TIAM1: variants seen among roughly 807,000 people sequenced by gnomAD.
TIAM1 encodes TIAM Rac1 associated GEF 1.
In TIAM1, 65 loss-of-function variants were observed where a neutral mutation model predicts 163.5. The observed-to-expected ratio is 0.40, with a 90% confidence interval of 0.33 to 0.49. TIAM1 has a LOEUF of 0.49. Among genes scored for constraint, TIAM1 ranks in the 20% least tolerant of loss-of-function variants. TIAM1 has a pLI of 0.77. For synonymous variants in TIAM1, 833 were observed against 810.1 expected (o/e 1.03, Z -0.48); for missense variants, 1,789 against 2,044.7 (o/e 0.87, Z 2.41).
intron 2 of TIAM1, among the ~76,000 whole-genome samples, chr21:31,323,787 C>T (rs1348055121): frequency 1.3e-5 from 2 of 152,048 alleles, no homozygotes; most frequent in African/African-American, 2.4e-5. Context: ...GCCGGGATCG[C>T]GCCATTGCAC....
At chr21:31,428,158 G>A (rs1405392816) in intron 2 of TIAM1, among the ~76,000 whole-genome samples, 1 of 152,058 alleles carries the variant, frequency 6.6e-6, no homozygotes, top group Non-Finnish European at 1.5e-5. Context: ...GGGAGGCTGA[G>A]GCAGCAGAAT....
chr21:31,413,651 AATTG>A (rs1434914836), intron 2 of TIAM1, among the ~76,000 whole-genome samples: 17 of 152,186 alleles, frequency 1.1e-4, no homozygotes, highest in African/African-American at 4.1e-4. Flanking sequence ...AATACGATTA[AATTG>A]ATTATCATTC....
At chr21:31,473,156 C>T (rs1370623898) in intron 1 of TIAM1, among the ~76,000 whole-genome samples, 1 of 152,142 alleles carries the variant, frequency 6.6e-6, no homozygotes, top group South Asian at 2.1e-4. Flanking sequence ...GGCAGCCAGG[C>T]ACGGTGGCTC....
chr21:31,243,908 T>C (rs1386471114), intron 6 of TIAM1, among the ~76,000 whole-genome samples: 3 of 152,182 alleles, frequency 2.0e-5, no homozygotes, highest in Non-Finnish European at 4.4e-5. Flanking sequence ...GGAAATTAAG[T>C]CATTCCCAGA....
At chr21:31,435,616 T>C (rs574360280) in intron 2 of TIAM1, among the ~76,000 whole-genome samples, 1 of 152,222 alleles carries the variant, frequency 6.6e-6, no homozygotes, top group African/African-American at 2.4e-5. Flanking sequence ...AAATGAAAAA[T>C]TGGCCTAGTG....
chr21:31,256,907 C>T (rs1474608391), intron 4 of TIAM1, among the ~76,000 whole-genome samples: 1 of 152,148 alleles, frequency 6.6e-6, no homozygotes, highest in Non-Finnish European at 1.5e-5. Context: ...TCATCTCTAC[C>T]TTCAGCCCTA....
chr21:31,168,462 G>A (rs536779213), intron 15 of TIAM1, among the ~76,000 whole-genome samples: 25 of 152,004 alleles, frequency 1.6e-4, no homozygotes, highest in South Asian at 6.2e-4. Context: ...GTGCAGTGGC[G>A]CAATCTCGGC....
At chr21:31,462,746 T>G (rs888608095) in intron 2 of TIAM1, among the ~76,000 whole-genome samples, 1 of 69,582 alleles carries the variant, frequency 1.4e-5, no homozygotes, top group Non-Finnish European at 3.1e-5. Flanking sequence ...GTTTTTTTTT[T>G]TTGTTTTTTT....
At chr21:31,149,064 G>A (rs950266026) in intron 19 of TIAM1, among the ~76,000 whole-genome samples, 7 of 151,794 alleles carry the variant, frequency 4.6e-5, no homozygotes, top group Non-Finnish European at 1.0e-4. Context: ...CCAACTCAGA[G>A]AGCCTGGAGA....
rs1428562937 is a variant in TIAM1, at chr21:31,132,508, CAG to C, written c.3884-1562_3884-1561del. Reference sequence around the variant, plus strand: ...TTCCCACTATGAAGCCTTCAGAAATCAGAGAGGCTGGGACAGCTAGGTCCTCT... The same window carrying C: ...TTCCCACTATGAAGCCTTCAGAAATCAGAGGCTGGGACAGCTAGGTCCTCT... On this transcript the variant is annotated intron_variant, in intron 23 of 27. Coordinates refer to ENST00000541036, the MANE Select transcript of TIAM1 (RefSeq NM_001353694.2). Among the ~76,000 whole-genome samples the C allele has an allele frequency of 1.1e-4, 16 of 152,290 alleles. No homozygotes were observed. The East Asian group carries it at 3.1e-3, about 29-fold the overall frequency.
chr21:31,393,281 A>G (rs1324259073), intron 2 of TIAM1, among the ~76,000 whole-genome samples: 1 of 152,194 alleles, frequency 6.6e-6, no homozygotes, highest in Non-Finnish European at 1.5e-5. Flanking sequence ...ACCAAGCCTC[A>G]GGTATTGCTT....
intron 1 of TIAM1, among the ~76,000 whole-genome samples, chr21:31,469,734 A>G (rs1202528250): frequency 7.9e-5 from 12 of 151,968 alleles, no homozygotes; most frequent in Admixed American, 6.5e-4. Flanking sequence ...CAGAAGGCTG[A>G]GGCAGAAGAA....
At chr21:31,154,860 A>AG (rs1241140658) in intron 16 of TIAM1, among the ~76,000 whole-genome samples, 1 of 152,232 alleles carries the variant, frequency 6.6e-6, no homozygotes, top group Non-Finnish European at 1.5e-5. Flanking sequence ...ATTTCACCCA[A>AG]GGTACAAGCC....
intron 2 of TIAM1, among the ~76,000 whole-genome samples, chr21:31,298,821 AGAG>A (rs2074394850): frequency 6.6e-6 from 1 of 151,536 alleles, no homozygotes; most frequent in African/African-American, 2.4e-5. Context: ...AGAGAGAGAG[AGAG>A]AAAAACAGAT....
At chr21:31,225,054 C>A (rs2087864953) in intron 7 of TIAM1, among the ~76,000 whole-genome samples, 1 of 152,084 alleles carries the variant, frequency 6.6e-6, no homozygotes, top group Non-Finnish European at 1.5e-5. Flanking sequence ...AGAGCTTGCT[C>A]TGTTACCCAG....
chr21:31,387,299 T>C (rs1189212610), intron 2 of TIAM1, among the ~76,000 whole-genome samples: 1 of 143,604 alleles, frequency 7.0e-6, no homozygotes, highest in Non-Finnish European at 1.5e-5. Context: ...CTCAATTCAC[T>C]GCAACCTCTG....
At chr21:31,471,977 G>A (rs2045759313) in intron 1 of TIAM1, among the ~76,000 whole-genome samples, 2 of 146,512 alleles carry the variant, frequency 1.4e-5, no homozygotes, top group Admixed American at 1.4e-4. Flanking sequence ...GCCCTACAAT[G>A]ATCTCCATCT....
intron 3 of TIAM1, among the ~76,000 whole-genome samples, chr21:31,270,627 G>T (rs542712858): frequency 1.1e-4 from 17 of 152,262 alleles, no homozygotes; most frequent in African/African-American, 3.1e-4. Context: ...AGTCAAGCTT[G>T]TCCAACCCAT....
chr21:31,305,461 TTTAC>T (rs1569193461), intron 2 of TIAM1, among the ~76,000 whole-genome samples: 1 of 152,094 alleles, frequency 6.6e-6, no homozygotes, highest in African/African-American at 2.4e-5. Flanking sequence ...TTTTTCCTTC[TTTAC>T]AGGACCTTGG....
Sources: gnomAD v4.1 joint callset for allele counts (sites outside exome capture counted in the v4.1 genomes callset) on GRCh38, gnomAD v4.1.1 for gene constraint, MANE v1.5 for transcripts, NCBI Gene and HGNC (gene_info 2026-07-23, HGNC 2026-07-21) for gene names.